SMARCD3: variants seen among roughly 807,000 people sequenced by gnomAD.
SMARCD3 encodes the protein SWI/SNF related BAF chromatin remodeling complex subunit D3, also known as SWI/SNF-related matrix-associated actin-dependent regulator of chromatin subfamily D member 3.
SMARCD3 carries 14 observed loss-of-function variants against 58.0 expected under a neutral mutation model. The observed-to-expected ratio is 0.24, with a 90% confidence interval of 0.16 to 0.38. The LOEUF (loss-of-function observed/expected upper bound fraction) is 0.38. Ranked by LOEUF, SMARCD3 falls within the 10% of genes least tolerant of loss-of-function variation. SMARCD3 has a pLI of 1.00. For missense variants in SMARCD3, 408 were observed against 636.9 expected, an observed-to-expected ratio of 0.64 and a Z score of 3.87; for synonymous variants, 253 against 253.8, an observed-to-expected ratio of 1.00 and a Z score of 0.03.
rs1802904446 is a variant in SMARCD3, at chr7:151,240,256, G to A, written c.1038-9C>T. The stretch of plus-strand genomic sequence containing the variant: ...GGTCTGAAGGGTCCACGCTGCCAGG[G>A]AAGTCCAGCCCTTCGTGTCCACGAT... On this transcript the variant is annotated splice_polypyrimidine_tract_variant and intron_variant, in intron 9 of 12. Transcript: ENST00000262188. 3.1e-6 allele frequency: 5 copies of A among 1,612,096 alleles called. No individual in the cohort carries two copies. The East Asian group carries it at 9.0e-5, about 29-fold the overall frequency.
Position 151,244,843 on chromosome 7 carries a change from G to A in SMARCD3, c.290+617C>T, listed in dbSNP as rs1803177402. On this transcript the variant is annotated intron_variant, in intron 2 of 12. Transcript: ENST00000262188. ...CTGCTGTTGCCAGGAGCCAGCAGGG[G>A]CTTTGAGGGTGCCACCAGCTGCTGG... 2.0e-5 allele frequency among the ~76,000 whole-genome samples: 3 copies of A among 152,228 alleles called. No homozygotes were observed. The South Asian group carries it at 6.2e-4, about 31-fold the overall frequency.
chr7:151,262,000 G>A (rs1044467581), intron 2 of SMARCD3, among the ~76,000 whole-genome samples: 9 of 152,164 alleles, frequency 5.9e-5, no homozygotes, highest in African/African-American at 9.7e-5. Flanking sequence ...CTGTGGCCCC[G>A]CAACTGAGCT....
intron 2 of SMARCD3, among the ~76,000 whole-genome samples, chr7:151,268,941 C>T (rs1376577880): frequency 3.3e-5 from 5 of 152,120 alleles, no homozygotes; most frequent in Non-Finnish European, 1.5e-5. Context: ...CCACAATGAT[C>T]CCTCAGTCTT....
At chr7:151,266,372 T>A (rs1804080089) in intron 2 of SMARCD3, among the ~76,000 whole-genome samples, 2 of 152,202 alleles carry the variant, frequency 1.3e-5, no homozygotes, top group African/African-American at 4.8e-5. Flanking sequence ...CTCCTGTTAA[T>A]ATTCATCTTC....
intron 2 of SMARCD3, among the ~76,000 whole-genome samples, chr7:151,273,554 T>G (rs1441613671): frequency 1.3e-5 from 2 of 152,166 alleles, no homozygotes; most frequent in African/African-American, 4.8e-5. Flanking sequence ...AATATACTAG[T>G]TCTCACCTTT....
chr7:151,241,989 G>A lies in SMARCD3; in HGVS notation c.676-11C>T. On this transcript the variant is annotated splice_polypyrimidine_tract_variant and intron_variant, in intron 6 of 12. Transcript: ENST00000262188. The surrounding 1 kb of genome is among the most constrained non-coding windows in gnomAD (Gnocchi z 5.3). ...GGGTGTCCGATGCCACTGTCCAGGA[G>A]AGAAGAGCTGTGTCTCCCAAAGGCC... 1 of 1,607,692 alleles carries A rather than the reference G, an allele frequency of 6.2e-7. No homozygotes were observed. The highest frequency in any genetic ancestry group is 8.5e-7 in the Non-Finnish European group (1 of 1,176,150).
chr7:151,264,468 A>G (rs751517482), intron 2 of SMARCD3, among the ~76,000 whole-genome samples: 2 of 152,132 alleles, frequency 1.3e-5, no homozygotes, highest in African/African-American at 2.4e-5. Context: ...AGAGGAGAGC[A>G]TGATTGTAGG....
In SMARCD3 at chr7:151,239,533, AT is replaced by A. The variant is rs763863316; in HGVS notation, c.1297-37del. The A allele has an allele frequency of 6.5e-5, 104 of 1,608,604 alleles. No homozygotes were observed. The highest frequency in any genetic ancestry group is 8.7e-5 in the Non-Finnish European group (102 of 1,175,526). On this transcript the variant is annotated intron_variant, in intron 11 of 12. Transcript: ENST00000262188. The surrounding 1 kb of genome is among the most constrained non-coding windows in gnomAD (Gnocchi z 7.0). ...GCGTGGGGTGAGCCCTGAGCCCTGA[AT>A]CCCCTCACCTGCCCCTGGAGTACAA...
chr7:151,264,593 G>A (rs1330558966), intron 2 of SMARCD3, among the ~76,000 whole-genome samples: 1 of 152,178 alleles, frequency 6.6e-6, no homozygotes, highest in Non-Finnish European at 1.5e-5. Flanking sequence ...GAGGACGGAG[G>A]CAATCACCCC....
Position 151,242,306 on chromosome 7 carries a change from C to G in SMARCD3, c.580-74G>C. On this transcript the variant is annotated intron_variant, in intron 5 of 12. Transcript: ENST00000262188. The surrounding 1 kb of genome is among the most constrained non-coding windows in gnomAD (Gnocchi z 4.7). Reference sequence around the variant, plus strand: ...GAGGAGCAGAAGGAGGCCAAGTTGGCAGCCGACAGGGCAGTGGGCTTAGAT... The same window carrying G: ...GAGGAGCAGAAGGAGGCCAAGTTGGGAGCCGACAGGGCAGTGGGCTTAGAT... 1 of 1,442,308 alleles carries G rather than the reference C, an allele frequency of 6.9e-7. No homozygotes were observed. Among genetic ancestry groups the G allele is most frequent in the Non-Finnish European group, 9.8e-7 (1 of 1,024,298 alleles). 89.3% of individuals were successfully genotyped at this position (1,442,308 alleles called of 1,614,324 possible).
chr7:151,243,790 G>A lies in SMARCD3; in HGVS notation c.291-89C>T, dbSNP rs900475357. ...CCTGCTAGATTATCCCGACATCTCCGCCCGCCTGGCTGGGGTTCCCACAGC... is the reference window on the plus strand; with the variant it reads ...CCTGCTAGATTATCCCGACATCTCCACCCGCCTGGCTGGGGTTCCCACAGC... On this transcript the variant is annotated intron_variant, in intron 2 of 12. Transcript: ENST00000262188. The surrounding 1 kb of genome is among the most constrained non-coding windows in gnomAD (Gnocchi z 4.4). 26 of 927,174 alleles carry A rather than the reference G, an allele frequency of 2.8e-5. No individual in the cohort carries two copies. The highest frequency in any genetic ancestry group is 8.1e-5 in the African/African-American group (5 of 61,986). The allele number at this position is 927,174 out of a possible 1,614,324, so 57.4% of individuals were successfully genotyped here. A position where few individuals can be genotyped will look rare whatever the true frequency, so the allele number is the denominator to read the frequency against.
At chr7:151,263,289 T>C (rs959322923) in intron 2 of SMARCD3, among the ~76,000 whole-genome samples, 4 of 152,066 alleles carry the variant, frequency 2.6e-5, no homozygotes, top group African/African-American at 9.7e-5. Context: ...AGGGGTGTTC[T>C]GAGGGATCTA....
intron 2 of SMARCD3, among the ~76,000 whole-genome samples, chr7:151,264,222 C>T (rs1804011977): frequency 6.6e-6 from 1 of 152,020 alleles, no homozygotes; most frequent in South Asian, 2.1e-4. Context: ...CCACACCTGG[C>T]TAATTTTTAT....
intron 2 of SMARCD3, chr7:151,274,971 C>T: frequency 3.0e-6 from 2 of 656,228 alleles, no homozygotes; most frequent in Admixed American, 2.5e-5. Context: ...CAGAGAGGCC[C>T]TGCCATGGGC....
chr7:151,257,790 C>G (rs1055480888), intron 2 of SMARCD3, among the ~76,000 whole-genome samples: 8 of 152,076 alleles, frequency 5.3e-5, no homozygotes, highest in African/African-American at 1.9e-4. Context: ...AGGCCTGGGT[C>G]CTCCTCACCT....
chr7:151,245,341 G>A lies in SMARCD3; in HGVS notation c.290+119C>T, dbSNP rs1803205467. On this transcript the variant is annotated intron_variant, in intron 2 of 12. Transcript: ENST00000262188. The surrounding 1 kb of genome is among the most constrained non-coding windows in gnomAD (Gnocchi z 6.2). The stretch of plus-strand genomic sequence containing the variant: ...GAGGGCATTCGACCCGGGAAGCCTC[G>A]CTCCCTGCTAATCATTCTTCCTCGC... The A allele has an allele frequency of 4.8e-6, 2 of 412,706 alleles. No homozygotes were observed. Among genetic ancestry groups the A allele is most frequent in the Non-Finnish European group, 8.1e-6 (2 of 246,988 alleles). 25.6% of individuals were successfully genotyped at this position (412,706 alleles called of 1,614,324 possible).
chr7:151,249,353 C>G (rs1249870836), upstream of SMARCD3: 1 of 152,140 alleles, frequency 6.6e-6, no homozygotes, highest in Non-Finnish European at 1.5e-5. This position sits in a 1 kb window ranked among gnomAD's most constrained non-coding sequence, Gnocchi z 4.8. Flanking sequence ...TGCGTGCAGA[C>G]AGACGCCCTG....
At chr7:151,258,888 T>C (rs1427878131) in intron 2 of SMARCD3, among the ~76,000 whole-genome samples, 2 of 152,118 alleles carry the variant, frequency 1.3e-5, no homozygotes, top group East Asian at 3.9e-4. Context: ...ACATGTCTCC[T>C]TCTCAATGAG....
At position 151,246,538 on chromosome 7, in the gene SMARCD3, G is replaced by A. The variant is rs558678536; in HGVS notation, c.79-867C>T. 6.6e-6 allele frequency among the ~76,000 whole-genome samples: 1 copy of A among 152,256 alleles called. No individual in the cohort carries two copies. The highest frequency in any genetic ancestry group is 6.5e-5 in the Admixed American group (1 of 15,306). ...GCCCAGGGGGGCCTGGGGTGGGTCA[G>A]GGCAGTGACACTTGCACTCACATTT... On this transcript the variant is annotated intron_variant, in intron 1 of 12. Coordinates refer to ENST00000262188, the MANE Select transcript of SMARCD3 (RefSeq NM_001003801.2). This position sits in a 1 kb window ranked among gnomAD's most constrained non-coding sequence, Gnocchi z 4.4.
Sources: gnomAD v4.1 joint callset for allele counts (sites outside exome capture counted in the v4.1 genomes callset) on GRCh38, gnomAD v4.1.1 for gene constraint, Gnocchi (gnomAD v3.1) non-coding constraint, MANE v1.5 for transcripts, NCBI Gene and HGNC (gene_info 2026-07-23, HGNC 2026-07-21) for gene names.